Variants in SMG6 observed in about 807,000 individuals in gnomAD.
SMG6 encodes telomerase-binding protein EST1A.
A neutral mutation model predicts 142.2 loss-of-function variants in SMG6; 66 were observed. The observed-to-expected ratio is 0.46, with a 90% CI of 0.38 to 0.57. SMG6 has a LOEUF of 0.57. SMG6 is among the 20% of genes least tolerant of loss of function. SMG6 has a pLI of 0.00. For missense variants in SMG6, 1,793 were observed against 1,832.0 expected (o/e 0.98, Z 0.39); for synonymous variants, 779 against 702.4 (o/e 1.11, Z -1.72).
At chr17:2,178,102 C>T (rs1395437928) in intron 12 of SMG6, among the ~76,000 whole-genome samples, 1 of 152,212 alleles carries the variant, frequency 6.6e-6, no homozygotes, top group African/African-American at 2.4e-5. Flanking sequence ...AATGGCTTAG[C>T]ATGCCTCTTG....
intron 13 of SMG6, among the ~76,000 whole-genome samples, chr17:2,119,693 G>A (rs1289655684): frequency 6.6e-6 from 1 of 151,920 alleles, no homozygotes; most frequent in East Asian, 1.9e-4. Context: ...ACGGAGTCTT[G>A]CTCTGTTGCC....
At chr17:2,162,989 A>C (rs2071227941) in intron 13 of SMG6, among the ~76,000 whole-genome samples, 1 of 151,574 alleles carries the variant, frequency 6.6e-6, no homozygotes, top group Non-Finnish European at 1.5e-5. Context: ...ACACCACCAC[A>C]CCTGACTGAT....
chr17:2,237,512 T>C (rs1597678020), intron 9 of SMG6: 3 of 985,428 alleles, frequency 3.0e-6, no homozygotes, highest in Non-Finnish European at 2.4e-6. Context: ...CCCCCAGTCA[T>C]CTGTCTCAGT....
intron 10 of SMG6, among the ~76,000 whole-genome samples, chr17:2,212,359 G>A (rs2072890016): frequency 1.3e-5 from 2 of 152,208 alleles, no homozygotes; most frequent in African/African-American, 2.4e-5. Context: ...TCTGGGCAGA[G>A]AGACAGGTTG....
chr17:2,063,723 T>C (rs1308837751), intron 18 of SMG6, among the ~76,000 whole-genome samples: 2 of 151,666 alleles, frequency 1.3e-5, no homozygotes, highest in Non-Finnish European at 2.9e-5. Context: ...GGGGAGGAGT[T>C]TGGAGGATTT....
At chr17:2,179,040 C>T (rs1487925047) in intron 12 of SMG6, among the ~76,000 whole-genome samples, 7 of 152,176 alleles carry the variant, frequency 4.6e-5, no homozygotes, top group Non-Finnish European at 7.4e-5. Flanking sequence ...AGGAGTCCTA[C>T]GGGAGGCGTG....
At chr17:2,086,482 T>G (rs888832599) in intron 13 of SMG6, among the ~76,000 whole-genome samples, 4 of 151,944 alleles carry the variant, frequency 2.6e-5, no homozygotes, top group Non-Finnish European at 2.9e-5. Flanking sequence ...GAGACTAGAG[T>G]CAGGCAGGAA....
intron 15 of SMG6, among the ~76,000 whole-genome samples, chr17:2,073,708 CAAA>C (rs1309950009): frequency 1.4e-5 from 1 of 70,274 alleles, no homozygotes. Context: ...GACTCCGTCT[CAAA>C]AAAAAAAAAA....
intron 8 of SMG6, among the ~76,000 whole-genome samples, chr17:2,273,509 T>C (rs940018838): frequency 2.0e-5 from 3 of 152,166 alleles, no homozygotes; most frequent in Admixed American, 1.3e-4. Context: ...GGCGGGTGCC[T>C]GTAGTCCCAG....
chr17:2,111,343 C>T (rs1328248232), intron 13 of SMG6, among the ~76,000 whole-genome samples: 2 of 152,046 alleles, frequency 1.3e-5, no homozygotes, highest in Non-Finnish European at 2.9e-5. Context: ...ATAGAAGACC[C>T]TAAGAAAGGT....
chr17:2,282,390 C>CAAAAAAAAAAAA (rs576759563), intron 8 of SMG6, among the ~76,000 whole-genome samples: 9 of 84,518 alleles, frequency 1.1e-4, no homozygotes, highest in Non-Finnish European at 1.4e-4. Flanking sequence ...CAAAAAGCAG[C>CAAAAAAAAAAAA]AAAAAAAAAA....
chr17:2,116,003 G>A, intron 13 of SMG6, among the ~76,000 whole-genome samples: 1 of 152,030 alleles, frequency 6.6e-6, no homozygotes, highest in East Asian at 1.9e-4. Flanking sequence ...CACTGTGCCT[G>A]GCCACATTTC....
intron 9 of SMG6, chr17:2,236,882 A>C: frequency 8.4e-7 from 1 of 1,190,950 alleles, no homozygotes; most frequent in Non-Finnish European, 1.0e-6. Flanking sequence ...GTTTTGGATA[A>C]ATCACTATGA....
At chr17:2,105,916 A>C (rs1432180335) in intron 13 of SMG6, among the ~76,000 whole-genome samples, 1 of 152,202 alleles carries the variant, frequency 6.6e-6, no homozygotes, top group Non-Finnish European at 1.5e-5. Context: ...TTTTCTACTG[A>C]ATGTAAAGAG....
chr17:2,142,888 C>CAAAAAA, intron 13 of SMG6, among the ~76,000 whole-genome samples: 1 of 52,508 alleles, frequency 1.9e-5, no homozygotes, highest in Non-Finnish European at 3.5e-5. Flanking sequence ...AACACTGTCT[C>CAAAAAA]AAAAAAAAAA....
chr17:2,178,820 G>A lies in SMG6; in HGVS notation c.3156-5961C>T, dbSNP rs1005358846. The stretch of plus-strand genomic sequence containing the variant: ...TCCTGACATCTCCACGGCATGAGTG[G>A]AGCCCTCGGCGGCCTCCCTGGTGCG... On this transcript the variant is annotated intron_variant, in intron 12 of 18. Transcript: ENST00000263073. Among the ~76,000 whole-genome samples, 15 of 152,276 alleles carry A rather than the reference G, an allele frequency of 9.9e-5. No individual in the cohort carries two copies. In the South Asian group the frequency reaches 3.1e-3, roughly 32 times the overall value.
intron 12 of SMG6, among the ~76,000 whole-genome samples, chr17:2,175,258 G>A (rs1036497803): frequency 6.6e-6 from 1 of 152,204 alleles, no homozygotes; most frequent in East Asian, 1.9e-4. Flanking sequence ...AAGGTGAAAA[G>A]TCTCCCAGCT....
At chr17:2,290,791 G>C (rs747986302) in intron 6 of SMG6, among the ~76,000 whole-genome samples, 1 of 152,068 alleles carries the variant, frequency 6.6e-6, no homozygotes, top group Non-Finnish European at 1.5e-5. Context: ...AAAAAGTAGT[G>C]GGGGGGCCAA....
At chr17:2,266,015 T>A (rs2074415730) in intron 8 of SMG6, 1 of 985,446 alleles carries the variant, frequency 1.0e-6, no homozygotes. Flanking sequence ...GGTTTTCTTC[T>A]GAATGTTCAT....
Sources: allele counts gnomAD v4.1 joint callset (sites outside exome capture counted in the v4.1 genomes callset), GRCh38; gene constraint gnomAD v4.1.1; transcripts MANE v1.5; gene names NCBI Gene and HGNC (gene_info 2026-07-23, HGNC 2026-07-21).